Variants in OTOGL observed in about 807,000 individuals in gnomAD.
OTOGL encodes the protein otogelin-like protein.
Under a neutral mutation model 318.5 loss-of-function variants are expected in OTOGL, and 285 were observed. That is an observed-to-expected ratio of 0.89 (90% CI 0.81 to 0.99). The LOEUF is 0.99. Ranked by LOEUF, OTOGL falls within the 50% of genes least tolerant of loss-of-function variation. The pLI is 0.00. For missense variants in OTOGL, 2,899 were observed against 2,845.6 expected, an observed-to-expected ratio of 1.02 and a Z score of -0.43; for synonymous variants, 987 against 936.5, an observed-to-expected ratio of 1.05 and a Z score of -0.99.
At chr12:80,243,852 C>CACAT (rs1880603420) in intron 11 of OTOGL, among the ~76,000 whole-genome samples, 1 of 142,818 alleles carries the variant, frequency 7.0e-6, no homozygotes, top group Non-Finnish European at 1.5e-5. Flanking sequence ...ATCATATATA[C>CACAT]ATATATATAT....
In OTOGL at chr12:80,263,188, A is replaced by G. The variant is rs374299215; in HGVS notation, c.2014+1095A>G. ...GGCTAGACTAGAGTTTTTTAGTTTC[A>G]TGAATGACTACTTTTAATCTCACTC... On this transcript the variant is annotated intron_variant, in intron 19 of 58. Coordinates refer to ENST00000547103, the MANE Select transcript of OTOGL (RefSeq NM_001378609.3). Among the ~76,000 whole-genome samples, 3 of 152,180 alleles carry G rather than the reference A, an allele frequency of 2.0e-5. No homozygotes were observed. The East Asian group carries it at 5.8e-4, about 29-fold the overall frequency.
At chr12:80,247,127 T>C (rs1880978839) in intron 11 of OTOGL, among the ~76,000 whole-genome samples, 1 of 143,290 alleles carries the variant, frequency 7.0e-6, no homozygotes, top group African/African-American at 2.8e-5. Context: ...CCTGGATTCA[T>C]TGATTTTTTG....
In OTOGL at chr12:80,366,638, G is replaced by A; in HGVS notation, c.6331+1G>A. On this transcript the variant is annotated splice_donor_variant, in intron 53 of 58. Coordinates refer to ENST00000547103, the MANE Select transcript of OTOGL (RefSeq NM_001378609.3). LOFTEE classifies it high-confidence loss of function. ...TGTGGATGCATACAGTATCTCTGTG[G>A]TAACTATGTCTTTTGTAACTTTTAA... 7.3e-7 allele frequency: 1 copy of A among 1,370,656 alleles called. No individual in the cohort carries two copies. Among genetic ancestry groups the A allele is most frequent in the African/African-American group, 1.5e-5 (1 of 67,748 alleles). 84.9% of individuals were successfully genotyped at this position (1,370,656 alleles called of 1,614,324 possible). A position where few individuals can be genotyped will look rare whatever the true frequency, so the allele number is the denominator to read the frequency against.
In OTOGL at chr12:80,372,083, C is replaced by A; in HGVS notation, c.6781+19C>A. The stretch of plus-strand genomic sequence containing the variant: ...AAGATCTGTAAGTGAGAGCATATTC[C>A]ATGCATTTACTTGATAGATTAGTTT... On this transcript the variant is annotated intron_variant, in intron 57 of 58. Transcript: ENST00000547103. The A allele has an allele frequency of 6.7e-7, 1 of 1,493,130 alleles. No homozygotes were observed. The highest frequency in any genetic ancestry group is 9.0e-7 in the Non-Finnish European group (1 of 1,111,250). 92.5% of individuals were successfully genotyped at this position (1,493,130 alleles called of 1,614,324 possible).
intron 2 of OTOGL, 36 bp from the exon 3 acceptor site, chr12:80,210,811 A>G (rs1592550318): frequency 7.5e-7 from 1 of 1,340,838 alleles, no homozygotes; most frequent in Non-Finnish European, 1.0e-6. Context: ...ATATTTGGAT[A>G]ATTTTTTTTC....
intron 1 of OTOGL, among the ~76,000 whole-genome samples, chr12:80,145,374 G>A (rs1036148664): frequency 7.9e-5 from 12 of 151,990 alleles, no homozygotes; most frequent in Non-Finnish European, 1.2e-4. Flanking sequence ...TTGTAGATAT[G>A]CGGCGTTATT....
chr12:80,371,344 T>A (rs946238179), intron 56 of OTOGL, among the ~76,000 whole-genome samples: 1 of 152,102 alleles, frequency 6.6e-6, no homozygotes, highest in African/African-American at 2.4e-5. Context: ...TCTCATTGAT[T>A]TTTTTTCAGG....
At chr12:80,288,240 G>C (rs1047283865) in intron 26 of OTOGL, among the ~76,000 whole-genome samples, 1 of 152,054 alleles carries the variant, frequency 6.6e-6, no homozygotes, top group Non-Finnish European at 1.5e-5. Flanking sequence ...CTGTCTTCTG[G>C]CTTATAGGGT....
chr12:80,326,790 A>G (rs1178441884), intron 35 of OTOGL, among the ~76,000 whole-genome samples: 1 of 152,228 alleles, frequency 6.6e-6, no homozygotes, highest in Non-Finnish European at 1.5e-5. Context: ...GAGATGGCTA[A>G]ATGTGTTTCA....
At position 80,279,051 on chromosome 12, in the gene OTOGL, A is replaced by G. The variant is rs758389085; in HGVS notation, c.2813A>G (p.Asn938Ser). Residue 938 changes from asparagine to serine, a missense_variant, in exon 26 of 59, where the codon AAT (asparagine) becomes AGT (serine). Asn to Ser is a conservative substitution (Grantham distance 46). This residue lies in a region of OTOGL where 2,607 missense variants were observed against 2,524.9 expected (regional missense o/e 1.03). Coordinates refer to ENST00000547103, the MANE Select transcript of OTOGL (RefSeq NM_001378609.3). ...AGCGTTTGTCGACGAGGAATGTTCAATTGCACATATTATCCATGCCCAGCA... is the reference window on the plus strand; with the variant it reads ...AGCGTTTGTCGACGAGGAATGTTCAGTTGCACATATTATCCATGCCCAGCA... ...YTCVCRRGMFNCTYYPCPAVC... is the reference protein window; with the variant it reads ...YTCVCRRGMFSCTYYPCPAVC... The G allele has an allele frequency of 1.3e-5, 20 of 1,595,172 alleles. No homozygotes were observed. In the East Asian group the frequency reaches 2.9e-4, roughly 23 times the overall value.
chr12:80,348,164 GT>G (rs200105703), intron 44 of OTOGL, among the ~76,000 whole-genome samples: 8,241 of 152,162 alleles, frequency 0.054, 305 homozygotes, highest in Middle Eastern at 0.15. Flanking sequence ...TGTTGCCATT[GT>G]TTTTGGTGTT....
intron 35 of OTOGL, among the ~76,000 whole-genome samples, chr12:80,324,833 C>G (rs1434234106): frequency 6.6e-6 from 1 of 152,084 alleles, no homozygotes; most frequent in Non-Finnish European, 1.5e-5. Flanking sequence ...CCAAATTGGT[C>G]AAATAGCAGT....
intron 12 of OTOGL, 104 bp from the exon 13 acceptor site, chr12:80,251,972 G>A: frequency 7.5e-7 from 1 of 1,329,848 alleles, no homozygotes; most frequent in Non-Finnish European, 9.9e-7. Flanking sequence ...GCAATTAAAA[G>A]TTATTTTTTG....
At chr12:80,102,169 TA>T (rs1869179002) in intron 1 of OTOGL, among the ~76,000 whole-genome samples, 1 of 152,182 alleles carries the variant, frequency 6.6e-6, no homozygotes, top group South Asian at 2.1e-4. Context: ...GCAACTTACT[TA>T]ACTCCCTGGG....
intron 1 of OTOGL, among the ~76,000 whole-genome samples, chr12:80,104,396 A>G (rs1869328097): frequency 6.6e-6 from 1 of 152,190 alleles, no homozygotes; most frequent in South Asian, 2.1e-4. Context: ...TAAAAAATGG[A>G]TACTTAGGCC....
At chr12:80,109,018 T>C (rs2137076333) in intron 1 of OTOGL, among the ~76,000 whole-genome samples, 1 of 150,344 alleles carries the variant, frequency 6.7e-6, no homozygotes, top group South Asian at 2.1e-4. Flanking sequence ...AGATTTGGCT[T>C]TAAGACAGCT....
At chr12:80,159,275 G>T (rs1394234839) in intron 1 of OTOGL, among the ~76,000 whole-genome samples, 1 of 152,068 alleles carries the variant, frequency 6.6e-6, no homozygotes, top group Non-Finnish European at 1.5e-5. Context: ...GTTCATCAGG[G>T]ATACTGGTCT....
chr12:80,267,494 G>A (rs575407422), intron 22 of OTOGL, among the ~76,000 whole-genome samples, 167 bp downstream of exon 22: 3 of 151,242 alleles, frequency 2.0e-5, no homozygotes, highest in South Asian at 2.1e-4. Context: ...ATGTTGGTGT[G>A]CTGCACCCAT....
intron 34 of OTOGL, among the ~76,000 whole-genome samples, chr12:80,322,410 G>C (rs1318318970): frequency 2.0e-5 from 3 of 152,090 alleles, no homozygotes; most frequent in Non-Finnish European, 4.4e-5. Context: ...TGATCTTTGT[G>C]GGCTTCTGAA....
Sources: allele counts gnomAD v4.1 joint callset (sites outside exome capture counted in the v4.1 genomes callset), GRCh38; gene constraint gnomAD v4.1.1; regional missense constraint gnomAD v4.1.1; transcripts MANE v1.5; gene names NCBI Gene and HGNC (gene_info 2026-07-23, HGNC 2026-07-21).